GPHN: variants seen among roughly 807,000 people sequenced by gnomAD.
The protein encoded by GPHN is gephyrin.
GPHN carries 17 observed loss-of-function variants against 95.5 expected under a neutral mutation model. The ratio of observed to expected loss-of-function variants is 0.18; its 90% CI spans 0.12 to 0.27. The LOEUF (loss-of-function observed/expected upper bound fraction) is 0.27. Among genes scored for constraint, GPHN ranks in the 10% least tolerant of loss-of-function variants. GPHN has a pLI of 1.00. For synonymous variants in GPHN, 320 were observed against 322.5 expected (o/e 0.99, Z 0.08); for missense variants, 660 against 978.1 (o/e 0.67, Z 4.34).
intron 9 of GPHN, among the ~76,000 whole-genome samples, chr14:67,011,526 A>G (rs903667734): frequency 7.3e-6 from 1 of 137,198 alleles, no homozygotes; most frequent in Non-Finnish European, 1.5e-5. Flanking sequence ...ATGAGCTATG[A>G]TGGTACTACT....
chr14:66,810,971 G>C (rs2060736768), intron 3 of GPHN, among the ~76,000 whole-genome samples: 1 of 152,184 alleles, frequency 6.6e-6, no homozygotes, highest in Non-Finnish European at 1.5e-5. Flanking sequence ...GTTTGTCAAT[G>C]TGAAAAACTA....
intron 10 of GPHN, among the ~76,000 whole-genome samples, chr14:67,046,167 T>C (rs1327949273): frequency 1.3e-5 from 2 of 152,054 alleles, no homozygotes; most frequent in South Asian, 2.1e-4. Flanking sequence ...TAGATTAAAA[T>C]ATGTTACTGT....
At chr14:67,104,962 G>T (rs1337780638) in intron 13 of GPHN, among the ~76,000 whole-genome samples, 1 of 151,752 alleles carries the variant, frequency 6.6e-6, no homozygotes, top group African/African-American at 2.4e-5. Context: ...CTACTGTTTT[G>T]ATGTAGGTGT....
At chr14:66,538,492 T>A (rs967083882) in intron 1 of GPHN, among the ~76,000 whole-genome samples, 5 of 152,100 alleles carry the variant, frequency 3.3e-5, no homozygotes, top group African/African-American at 1.2e-4. Context: ...TATTTTTTGT[T>A]GAGCTATTTT....
the GPHN span, chr14:67,693,036 C>G: frequency 6.2e-7 from 1 of 1,612,668 alleles, no homozygotes. Flanking sequence ...GTACACACCC[C>G]ACTGGACAGC....
chr14:66,660,395 C>T (rs1358108719), intron 1 of GPHN, among the ~76,000 whole-genome samples: 1 of 152,134 alleles, frequency 6.6e-6, no homozygotes, highest in Non-Finnish European at 1.5e-5. Context: ...TATTTGCCTA[C>T]TATTATAATG....
chr14:66,723,592 T>C (rs1269687653), intron 2 of GPHN, among the ~76,000 whole-genome samples: 1 of 152,100 alleles, frequency 6.6e-6, no homozygotes, highest in Non-Finnish European at 1.5e-5. Context: ...CTTTTTAAAG[T>C]GTATACATCA....
At chr14:67,637,996 C>G in the GPHN span, among the ~76,000 whole-genome samples, 1 of 152,138 alleles carries the variant, frequency 6.6e-6, no homozygotes, top group Non-Finnish European at 1.5e-5. Context: ...CTGCCTTGAA[C>G]CTGGGGAGAC....
chr14:66,776,190 G>A (rs761780485), intron 2 of GPHN, among the ~76,000 whole-genome samples: 26 of 152,160 alleles, frequency 1.7e-4, no homozygotes, highest in Non-Finnish European at 2.9e-4. Flanking sequence ...GGCAGTAAAA[G>A]TGACAGTTTC....
chr14:66,956,676 A>G (rs1319201176), intron 8 of GPHN, among the ~76,000 whole-genome samples: 1 of 151,968 alleles, frequency 6.6e-6, no homozygotes, highest in Non-Finnish European at 1.5e-5. Flanking sequence ...GGCTGCATAA[A>G]TGTCTTCTTT....
chr14:67,137,012 C>T (rs1451970070), intron 17 of GPHN, among the ~76,000 whole-genome samples: 1 of 152,022 alleles, frequency 6.6e-6, no homozygotes, highest in African/African-American at 2.4e-5. Context: ...CAAAAAATTG[C>T]CAAGCATGGT....
At chr14:67,055,554 A>G (rs112566011) in intron 10 of GPHN, among the ~76,000 whole-genome samples, 4,169 of 152,344 alleles carry the variant, frequency 0.027, 78 homozygotes, top group Non-Finnish European at 0.036. Flanking sequence ...ATTACTGGGT[A>G]TATACCCAAA....
the GPHN span, chr14:67,659,935 A>C: frequency 1.1e-5 from 17 of 1,611,026 alleles, no homozygotes; most frequent in Middle Eastern, 1.6e-4. Context: ...GGGAAGGCAG[A>C]AAGTAGTGAG....
At chr14:67,352,595 C>A in the GPHN span, 1 of 190,978 alleles carries the variant, frequency 5.2e-6, no homozygotes, top group East Asian at 1.4e-4. Context: ...GCTAAAGGAG[C>A]CAGTTATAAG....
Position 67,177,934 on chromosome 14 carries a change from A to T in GPHN, c.2080-1644A>T, listed in dbSNP as rs531288993. Among the ~76,000 whole-genome samples, 5 of 152,034 alleles carry T rather than the reference A, an allele frequency of 3.3e-5. 2 individuals carry two copies. Among genetic ancestry groups the T allele is most frequent in the African/African-American group, 1.2e-4 (5 of 41,472 alleles). ...ATTTGCTTGTTAGATCTTCCTCCAA[A>T]TGTTTATTTTGAGCCTATTTGTGTC... On this transcript the variant is annotated intron_variant, in intron 21 of 22. Transcript: ENST00000478722.
At chr14:67,189,423 T>G in the GPHN span, 3 of 152,252 alleles carry the variant, frequency 2.0e-5, no homozygotes, top group South Asian at 2.1e-4. Context: ...GGCCTGTGCT[T>G]CTTTTACTAA....
chr14:66,624,939 A>G (rs993250534), intron 1 of GPHN, among the ~76,000 whole-genome samples: 1 of 152,176 alleles, frequency 6.6e-6, no homozygotes, highest in Non-Finnish European at 1.5e-5. Flanking sequence ...GACATAAGCT[A>G]TGAACTGCCA....
At chr14:67,276,890 T>A in the GPHN span, among the ~76,000 whole-genome samples, 1 of 152,200 alleles carries the variant, frequency 6.6e-6, no homozygotes, top group Non-Finnish European at 1.5e-5. Context: ...TGGACACAGA[T>A]GTAGAGCTTT....
chr14:66,990,077 A>C (rs531551173), intron 9 of GPHN, among the ~76,000 whole-genome samples: 1 of 152,300 alleles, frequency 6.6e-6, no homozygotes, highest in South Asian at 2.1e-4. Flanking sequence ...CAGGAAACTT[A>C]CAATCATGGC....
Sources: gnomAD v4.1 joint callset for allele counts (sites outside exome capture counted in the v4.1 genomes callset) on GRCh38, gnomAD v4.1.1 for gene constraint, MANE v1.5 for transcripts, NCBI Gene and HGNC (gene_info 2026-07-23, HGNC 2026-07-21) for gene names.